Variants in LINGO2 observed in about 807,000 individuals in gnomAD.
The protein encoded by LINGO2 is leucine-rich repeat and immunoglobulin-like domain-containing nogo receptor-interacting protein 2.
In LINGO2, 14 loss-of-function variants were observed where a neutral mutation model predicts 30.6. That is an observed-to-expected ratio of 0.46 (90% CI 0.30 to 0.72). LINGO2 has a LOEUF of 0.72. Ranked by LOEUF, LINGO2 falls within the 30% of genes least tolerant of loss-of-function variation. The pLI is 0.07. For synonymous variants in LINGO2, 317 were observed against 288.5 expected (o/e 1.10, Z -1.00); for missense variants, 729 against 751.7 (o/e 0.97, Z 0.35).
chr9:28,239,702 C>T (rs2133967617), intron 4 of LINGO2, among the ~76,000 whole-genome samples: 1 of 152,242 alleles, frequency 6.6e-6, no homozygotes, highest in Admixed American at 6.5e-5. Flanking sequence ...ACACTAAAAG[C>T]TTTTCCTCAT....
chr9:29,159,832 CAAAA>C, the LINGO2 span, among the ~76,000 whole-genome samples: 1 of 134,922 alleles, frequency 7.4e-6, no homozygotes, highest in Non-Finnish European at 1.6e-5. Context: ...CAGCCTGGGC[CAAAA>C]AAAAAAAAAA....
chr9:29,207,531 T>C, the LINGO2 span, among the ~76,000 whole-genome samples: 1 of 152,148 alleles, frequency 6.6e-6, no homozygotes, highest in Admixed American at 6.5e-5. Context: ...TTTTTGCACA[T>C]ATTTCTGTTA....
the LINGO2 span, among the ~76,000 whole-genome samples, chr9:29,026,904 T>C: frequency 1.8e-4 from 27 of 152,206 alleles, no homozygotes; most frequent in African/African-American, 4.8e-4. Context: ...CTGAATGATA[T>C]GACCAAAATA....
intron 1 of LINGO2, among the ~76,000 whole-genome samples, chr9:28,584,760 A>C (rs35091915): frequency 0.085 from 12,941 of 152,100 alleles, 723 homozygotes; most frequent in East Asian, 0.18. Flanking sequence ...ATACTGTTGA[A>C]GAGAGATCAG....
the LINGO2 span, among the ~76,000 whole-genome samples, chr9:29,170,505 TA>T: frequency 2.8e-4 from 42 of 152,218 alleles, no homozygotes; most frequent in African/African-American, 9.6e-4. Context: ...ACTATTCAGG[TA>T]AACAGTACAC....
chr9:28,229,767 G>A (rs1238820671), intron 4 of LINGO2, among the ~76,000 whole-genome samples: 1 of 151,740 alleles, frequency 6.6e-6, no homozygotes, highest in Non-Finnish European at 1.5e-5. Context: ...GAGAAATAAG[G>A]TCACAGGAAT....
chr9:28,253,295 T>G (rs1822269546), intron 4 of LINGO2, among the ~76,000 whole-genome samples: 1 of 152,034 alleles, frequency 6.6e-6, no homozygotes, highest in Admixed American at 6.6e-5. Context: ...CAACAAGCAT[T>G]TATTGACCAC....
intron 4 of LINGO2, among the ~76,000 whole-genome samples, chr9:28,257,085 T>A (rs1378060284): frequency 6.7e-6 from 1 of 149,670 alleles, no homozygotes; most frequent in African/African-American, 2.4e-5. Context: ...GACTTTTAAG[T>A]TACTTTTAGT....
chr9:29,110,956 T>A, the LINGO2 span, among the ~76,000 whole-genome samples: 2 of 152,118 alleles, frequency 1.3e-5, no homozygotes, highest in Non-Finnish European at 2.9e-5. Flanking sequence ...CCCAAAGTGC[T>A]GGAATTACAG....
At chr9:28,781,011 A>C in the LINGO2 span, among the ~76,000 whole-genome samples, 1 of 152,172 alleles carries the variant, frequency 6.6e-6, no homozygotes, top group South Asian at 2.1e-4. Context: ...AATACTAATA[A>C]GATTTTAAAA....
intron 4 of LINGO2, among the ~76,000 whole-genome samples, chr9:28,287,793 C>CGT (rs1010611813): frequency 1.3e-5 from 2 of 151,874 alleles, no homozygotes; most frequent in African/African-American, 4.8e-5. Flanking sequence ...TTTGTGTGTG[C>CGT]GTGTGTGTGC....
the LINGO2 span, among the ~76,000 whole-genome samples, chr9:28,772,368 A>G: frequency 6.6e-6 from 1 of 152,162 alleles, no homozygotes; most frequent in Non-Finnish European, 1.5e-5. Flanking sequence ...CTTTACTATT[A>G]GTAACATCCT....
In LINGO2 at chr9:28,638,166, G is replaced by A. The variant is rs183378321; in HGVS notation, c.-365+32034C>T. On this transcript the variant is annotated intron_variant, in intron 1 of 5. Transcript: ENST00000379992. ...TGAACCAGCCTTGCATCCCAGGGAT[G>A]AAGCCCACTGGATTATGGTGGATAA... Among the ~76,000 whole-genome samples, 108 of 152,312 alleles carry A rather than the reference G, an allele frequency of 7.1e-4. 1 individual carries two copies. The highest frequency in any genetic ancestry group is 2.5e-3 in the African/African-American group (102 of 41,564).
At chr9:27,982,896 T>C (rs555511046) in intron 5 of LINGO2, among the ~76,000 whole-genome samples, 7 of 151,802 alleles carry the variant, frequency 4.6e-5, no homozygotes, top group African/African-American at 1.4e-4. Flanking sequence ...GTAAAGTGCT[T>C]TACATACACT....
chr9:29,046,001 G>A, the LINGO2 span, among the ~76,000 whole-genome samples: 483 of 152,204 alleles, frequency 3.2e-3, 1 homozygote, highest in African/African-American at 0.011. Flanking sequence ...CTGCAACTTT[G>A]CTGAAGTTGT....
the LINGO2 span, among the ~76,000 whole-genome samples, chr9:28,871,098 G>C: frequency 1.3e-5 from 2 of 151,648 alleles, no homozygotes; most frequent in Admixed American, 6.6e-5. Flanking sequence ...AACTTTTAAT[G>C]AATTAAAAGT....
intron 1 of LINGO2, among the ~76,000 whole-genome samples, chr9:28,604,871 T>C (rs1166032125): frequency 6.6e-6 from 1 of 152,176 alleles, no homozygotes; most frequent in Non-Finnish European, 1.5e-5. Context: ...CAGATGCCAC[T>C]TGAGCACTTT....
intron 2 of LINGO2, among the ~76,000 whole-genome samples, chr9:28,468,811 T>G (rs1825410909): frequency 1.3e-5 from 2 of 152,124 alleles, no homozygotes; most frequent in Admixed American, 1.3e-4. Context: ...ATTAGTAAGT[T>G]TTCCCCTGCA....
At chr9:28,052,343 T>C (rs1481657932) in intron 4 of LINGO2, among the ~76,000 whole-genome samples, 1 of 152,108 alleles carries the variant, frequency 6.6e-6, no homozygotes, top group Non-Finnish European at 1.5e-5. Context: ...ATTAGGCTAT[T>C]ATTTGAACAT....
Sources: gnomAD v4.1 joint callset for allele counts (sites outside exome capture counted in the v4.1 genomes callset) on GRCh38, gnomAD v4.1.1 for gene constraint, MANE v1.5 for transcripts, NCBI Gene and HGNC (gene_info 2026-07-23, HGNC 2026-07-21) for gene names.